The following SAP30 variants were observed in gnomAD, a reference collection of about 807,000 sequenced individuals.
SAP30 encodes histone deacetylase complex subunit SAP30.
SAP30 carries 13 observed loss-of-function variants against 19.6 expected under a neutral mutation model. That is an observed-to-expected ratio of 0.66 (90% CI 0.43 to 1.05). SAP30 has a LOEUF of 1.05. SAP30 is among the 50% of genes least tolerant of loss of function. SAP30 has a pLI of 0.00. For synonymous variants in SAP30, 108 were observed against 122.7 expected, an observed-to-expected ratio of 0.88 and a Z score of 0.79; for missense variants, 257 against 292.1, an observed-to-expected ratio of 0.88 and a Z score of 0.88.
At position 173,371,254 on chromosome 4, in the gene SAP30, TGCCGCGGCCGCCGCC is replaced by T; in HGVS notation, c.76_90del (p.Ala26_Ala30del). The T allele has an allele frequency of 7.9e-7, 1 of 1,265,576 alleles. No individual in the cohort carries two copies. Among genetic ancestry groups the T allele is most frequent in the African/African-American group, 1.6e-5 (1 of 61,740 alleles). 78.4% of individuals were successfully genotyped at this position (1,265,576 alleles called of 1,614,324 possible). ...CCGCCGCAGTGGCCGCAGTGGTCGC[TGCCGCGGCCGCCGCC>T]GCCTCGGCGGGGAACGGGACCGGCG... On this transcript the variant is annotated inframe_deletion, in exon 1 of 4. Transcript: ENST00000296504. This position sits in a 1 kb window ranked among gnomAD's most constrained non-coding sequence, Gnocchi z 6.4.
Position 173,373,373 on chromosome 4 carries a change from A to T in SAP30, c.316-17A>T. On this transcript the variant is annotated splice_polypyrimidine_tract_variant and intron_variant, in intron 1 of 3. Transcript: ENST00000296504. Reference sequence around the variant, plus strand: ...TTACTGTAATCATAAGCAGTGTGTAAAACTTTTCTGTTTCAGGCAAGGCAT... The same window carrying T: ...TTACTGTAATCATAAGCAGTGTGTATAACTTTTCTGTTTCAGGCAAGGCAT... The T allele has an allele frequency of 6.3e-7, 1 of 1,596,488 alleles. No homozygotes were observed. The highest frequency in any genetic ancestry group is 8.5e-7 in the Non-Finnish European group (1 of 1,172,568).
chr4:173,372,538 A>G (rs555297211), intron 1 of SAP30, among the ~76,000 whole-genome samples: 4 of 152,386 alleles, frequency 2.6e-5, no homozygotes, highest in African/African-American at 9.6e-5. Flanking sequence ...AGAAAAATGT[A>G]TAACTGAAAT....
At position 173,371,389 on chromosome 4, in the gene SAP30, G is replaced by A. The variant is rs367845728; in HGVS notation, c.207G>A (p.Leu69=). ...CGGGCCCCGGGCAACTGTGCTGCCT[G>A]CGGGAGGATGGTGAGCGGTGCGGCC... The part of the protein sequence containing the change: ...AGPGPGQLCC[L]REDGERCGRA... Residue 69 remains leucine, a synonymous_variant, in exon 1 of 4, where the codon CTG becomes CTA. Coordinates refer to ENST00000296504, the MANE Select transcript of SAP30 (RefSeq NM_003864.4). The surrounding 1 kb of genome is among the most constrained non-coding windows in gnomAD (Gnocchi z 6.4). The A allele has an allele frequency of 3.1e-5, 49 of 1,581,560 alleles. No homozygotes were observed. Among genetic ancestry groups the A allele is most frequent in the Non-Finnish European group, 3.9e-5 (46 of 1,171,266 alleles).
intron 3 of SAP30, among the ~76,000 whole-genome samples, chr4:173,374,525 C>G (rs527664214): frequency 6.6e-6 from 1 of 152,274 alleles, no homozygotes; most frequent in South Asian, 2.1e-4. Context: ...AAGTGATCTG[C>G]CCACCTCAGC....
intron 1 of SAP30, among the ~76,000 whole-genome samples, chr4:173,372,964 A>G (rs1216586870): frequency 3.3e-5 from 5 of 152,120 alleles, no homozygotes; most frequent in Non-Finnish European, 7.4e-5. Context: ...TTGTATTTTT[A>G]GTAGAGACGG....
rs1259135088 is a variant in SAP30 at position 173,371,384 on chromosome 4, T to C, written c.202T>C (p.Cys68Arg). 1 of 1,574,350 alleles carries C rather than the reference T, an allele frequency of 6.4e-7. No individual in the cohort carries two copies. Among genetic ancestry groups the C allele is most frequent in the Non-Finnish European group, 8.6e-7 (1 of 1,167,854 alleles). The change falls in exon 1 of 4, where the codon TGC (cysteine) becomes CGC (arginine). Residue 68 changes from cysteine to arginine, a missense_variant. Transcript: ENST00000296504. This position sits in a 1 kb window ranked among gnomAD's most constrained non-coding sequence, Gnocchi z 6.4. The part of the protein sequence containing the change: ...AAGPGPGQLC[C>R]LREDGERCGR... ...CGGGCCGGGCCCCGGGCAACTGTGC[T>C]GCCTGCGGGAGGATGGTGAGCGGTG... is the stretch of plus-strand genomic sequence containing the variant.
intron 1 of SAP30, among the ~76,000 whole-genome samples, chr4:173,372,252 T>C (rs1312654757): frequency 1.3e-5 from 2 of 152,254 alleles, no homozygotes; most frequent in Non-Finnish European, 2.9e-5. Flanking sequence ...TAACATGGTA[T>C]CGAGAACCTA....
In SAP30 at chr4:173,371,405, CG is replaced by C; in HGVS notation, c.225del (p.Cys76AlafsTer23). 6 of 1,588,288 alleles carry C rather than the reference CG, an allele frequency of 3.8e-6. No homozygotes were observed. In the Admixed American group the frequency reaches 5.0e-5, roughly 13 times the overall value. The stretch of plus-strand genomic sequence containing the variant: ...GTGCTGCCTGCGGGAGGATGGTGAG[CG>C]GTGCGGCCGGGCGGCAGGCAACGCC... ...QLCCLREDGE[R>X]CGRAAGNASF... On this transcript the variant is annotated frameshift_variant, in exon 1 of 4. Coordinates refer to ENST00000296504, the MANE Select transcript of SAP30 (RefSeq NM_003864.4). LOFTEE classifies it high-confidence loss of function. This position sits in a 1 kb window ranked among gnomAD's most constrained non-coding sequence, Gnocchi z 6.4.
intron 1 of SAP30, among the ~76,000 whole-genome samples, chr4:173,373,033 C>T (rs902142683): frequency 1.3e-5 from 2 of 152,218 alleles, no homozygotes; most frequent in South Asian, 2.1e-4. Flanking sequence ...ATCCACCCGC[C>T]TTGGCCTCCC....
chr4:173,373,358 C>G, intron 1 of SAP30, 32 bp from the exon 2 acceptor site: 1 of 1,575,744 alleles, frequency 6.3e-7, no homozygotes, highest in Non-Finnish European at 8.6e-7. Context: ...TTACTGTAAT[C>G]ATAAGCAGTG....
chr4:173,371,537 G>A lies in SAP30; in HGVS notation c.315+40G>A, dbSNP rs557481123. The stretch of plus-strand genomic sequence containing the variant: ...GGACCGCCCTGCCCTCCCGCCCCTC[G>A]GTGGGGCCCCAGGAGCCGGGCAAAG... On this transcript the variant is annotated intron_variant, in intron 1 of 3. Coordinates refer to ENST00000296504, the MANE Select transcript of SAP30 (RefSeq NM_003864.4). This position sits in a 1 kb window ranked among gnomAD's most constrained non-coding sequence, Gnocchi z 6.4. 3 of 1,560,224 alleles carry A rather than the reference G, an allele frequency of 1.9e-6. No individual in the cohort carries two copies. The highest frequency in any genetic ancestry group is 2.4e-5 in the East Asian group (1 of 41,714).
At chr4:173,374,934 A>G (rs1200885142) in intron 3 of SAP30, among the ~76,000 whole-genome samples, 3 of 151,866 alleles carry the variant, frequency 2.0e-5, no homozygotes, top group Non-Finnish European at 4.4e-5. Context: ...CTAGTCAGTC[A>G]CTGAGTTGTG....
intron 2 of SAP30, 108 bp downstream of exon 2, chr4:173,373,623 T>A: frequency 8.4e-7 from 1 of 1,184,782 alleles, no homozygotes; most frequent in Non-Finnish European, 1.1e-6. Context: ...TTGAGAAATC[T>A]GAAAATGAAA....
At position 173,370,987 on chromosome 4, in the gene SAP30, A is replaced by G. The variant is rs1738911570; in HGVS notation, c.-196A>G. The G allele has an allele frequency of 7.8e-6, 3 of 383,556 alleles. No individual in the cohort carries two copies. The South Asian group carries it at 1.7e-4, about 22-fold the overall frequency. 23.8% of individuals were successfully genotyped at this position (383,556 alleles called of 1,614,324 possible). ...GGGTCCCCGCTCCAGGAGACGCTCG[A>G]GTCTGCGTCCCGGCCCTCAGCACTG... On this transcript the variant is annotated 5_prime_UTR_variant, in exon 1 of 4. Coordinates refer to ENST00000296504, the MANE Select transcript of SAP30 (RefSeq NM_003864.4).
rs1489793298 is a variant in SAP30 at position 173,371,838 on chromosome 4, T to A, written c.315+341T>A. 6.6e-6 allele frequency among the ~76,000 whole-genome samples: 1 copy of A among 152,212 alleles called. No individual in the cohort carries two copies. Among genetic ancestry groups the A allele is most frequent in the Non-Finnish European group, 1.5e-5 (1 of 68,044 alleles). On this transcript the variant is annotated intron_variant, in intron 1 of 3. Coordinates refer to ENST00000296504, the MANE Select transcript of SAP30 (RefSeq NM_003864.4). This position sits in a 1 kb window ranked among gnomAD's most constrained non-coding sequence, Gnocchi z 6.4. ...GGCGCACTGAGGGCCCAGAGTAGTT[T>A]TCTTGCAGCCCGGCAGCTCTTCTGG...
rs567441775 is a variant in SAP30 at position 173,373,071 on chromosome 4, A to G, written c.316-319A>G. Among the ~76,000 whole-genome samples the G allele has an allele frequency of 5.5e-4, 84 of 152,176 alleles. 1 individual carries two copies. The highest frequency in any genetic ancestry group is 1.0e-3 in the Non-Finnish European group (68 of 68,028). ...AGTGCTGGGATTACAGGCGTGAACC[A>G]CCGCGCCCAGCCCCTCACTGCAATT... On this transcript the variant is annotated intron_variant, in intron 1 of 3. Coordinates refer to ENST00000296504, the MANE Select transcript of SAP30 (RefSeq NM_003864.4).
At chr4:173,376,030 T>C (rs1011577953) in intron 3 of SAP30, among the ~76,000 whole-genome samples, 3 of 152,214 alleles carry the variant, frequency 2.0e-5, no homozygotes, top group Non-Finnish European at 4.4e-5. Context: ...ACCCTCAATC[T>C]GTGCAAAAAT....
intron 1 of SAP30, among the ~76,000 whole-genome samples, chr4:173,372,394 A>T (rs1369997640): frequency 1.3e-5 from 2 of 152,212 alleles, no homozygotes; most frequent in African/African-American, 2.4e-5. Context: ...GTTTTTGAAA[A>T]GTTTATTTGT....
Position 173,371,987 on chromosome 4 carries a change from C to G in SAP30, c.315+490C>G, listed in dbSNP as rs979534011. 7.9e-5 allele frequency among the ~76,000 whole-genome samples: 12 copies of G among 152,230 alleles called. No individual in the cohort carries two copies. Among genetic ancestry groups the G allele is most frequent in the Non-Finnish European group, 1.5e-4 (10 of 68,042 alleles). Reference sequence around the variant, plus strand: ...GGAAGATCCTGTTCTTTTCTGTGTTCCGTCTCCTCCGGAGCGGAGTGAGAG... The same window carrying G: ...GGAAGATCCTGTTCTTTTCTGTGTTGCGTCTCCTCCGGAGCGGAGTGAGAG... On this transcript the variant is annotated intron_variant, in intron 1 of 3. Transcript: ENST00000296504. The surrounding 1 kb of genome is among the most constrained non-coding windows in gnomAD (Gnocchi z 6.4).
Sources: gnomAD v4.1 joint callset for allele counts (sites outside exome capture counted in the v4.1 genomes callset) on GRCh38, gnomAD v4.1.1 for gene constraint, Gnocchi (gnomAD v3.1) non-coding constraint, MANE v1.5 for transcripts, NCBI Gene and HGNC (gene_info 2026-07-23, HGNC 2026-07-21) for gene names.